Variants in SGCD observed in about 807,000 individuals in gnomAD.
SGCD encodes sarcoglycan delta, also known as delta-sarcoglycan.
A neutral mutation model predicts 36.6 loss-of-function variants in SGCD; 18 were observed. The ratio of observed to expected loss-of-function variants is 0.49; its 90% CI spans 0.34 to 0.73. The LOEUF (loss-of-function observed/expected upper bound fraction) is 0.73, where lower values mean the gene tolerates loss of function less well. Among genes scored for constraint, SGCD ranks in the 30% least tolerant of loss-of-function variants. SGCD has a pLI of 0.01. For missense variants in SGCD, 387 were observed against 346.7 expected, an observed-to-expected ratio of 1.12 and a Z score of -0.92; for synonymous variants, 133 against 130.6, an observed-to-expected ratio of 1.02 and a Z score of -0.12.
chr5:156,317,905 G>A (rs1325175390), intron 3 of SGCD, among the ~76,000 whole-genome samples: 1 of 152,148 alleles, frequency 6.6e-6, no homozygotes, highest in Non-Finnish European at 1.5e-5. Flanking sequence ...CAAATGGCAT[G>A]GGTAGAGAAT....
In SGCD at chr5:156,351,401, A is replaced by G. The variant is rs148410350; in HGVS notation, c.192+6724A>G. Among the ~76,000 whole-genome samples the G allele has an allele frequency of 2.4e-3, 372 of 152,200 alleles. 2 individuals are homozygous for G. Among genetic ancestry groups the G allele is most frequent in the African/African-American group, 8.5e-3 (355 of 41,542 alleles). On this transcript the variant is annotated intron_variant, in intron 3 of 8. Transcript: ENST00000337851. ...TTCAGGGCTCAAACTCTGGAGACAGATGTTCTAAGTAAAAATCTGGATTCT... is the reference window on the plus strand; with the variant it reads ...TTCAGGGCTCAAACTCTGGAGACAGGTGTTCTAAGTAAAAATCTGGATTCT...
At chr5:156,537,492 C>CACACACAT (rs1323877955) in intron 4 of SGCD, among the ~76,000 whole-genome samples, 3 of 151,034 alleles carry the variant, frequency 2.0e-5, no homozygotes, top group Non-Finnish European at 4.4e-5. Flanking sequence ...CACACACACA[C>CACACACAT]ACACACACAC....
chr5:156,751,630 G>T (rs1757152029), intron 7 of SGCD, among the ~76,000 whole-genome samples: 1 of 152,030 alleles, frequency 6.6e-6, no homozygotes, highest in Non-Finnish European at 1.5e-5. Flanking sequence ...GACAAAAATA[G>T]AAATAAACAA....
At chr5:156,609,026 A>G (rs1761638544) in intron 6 of SGCD, among the ~76,000 whole-genome samples, 1 of 151,806 alleles carries the variant, frequency 6.6e-6, no homozygotes, top group Admixed American at 6.6e-5. Flanking sequence ...TTTTAATTGG[A>G]GCATTTAGCC....
At chr5:155,955,405 G>A (rs987917778) in intron 1 of SGCD, among the ~76,000 whole-genome samples, 1 of 152,024 alleles carries the variant, frequency 6.6e-6, no homozygotes, top group African/African-American at 2.4e-5. Context: ...CTGGAACTAG[G>A]GTTGGCTTAT....
At chr5:156,643,991 A>G (rs1763137827) in intron 6 of SGCD, among the ~76,000 whole-genome samples, 1 of 152,186 alleles carries the variant, frequency 6.6e-6, no homozygotes, top group African/African-American at 2.4e-5. Flanking sequence ...ATACAAAAGC[A>G]CTAATCATAA....
chr5:155,850,462 T>G, the SGCD span, among the ~76,000 whole-genome samples: 12 of 152,012 alleles, frequency 7.9e-5, no homozygotes, highest in Non-Finnish European at 1.6e-4. Context: ...TGGAAGTCTG[T>G]CAAAATGAGA....
At chr5:155,836,473 C>A in the SGCD span, among the ~76,000 whole-genome samples, 11 of 114,438 alleles carry the variant, frequency 9.6e-5, no homozygotes, top group South Asian at 3.0e-4. Context: ...GATACCCACC[C>A]CCGCCCCGCA....
chr5:156,164,078 C>T (rs1202993189), intron 3 of SGCD, among the ~76,000 whole-genome samples: 1 of 150,806 alleles, frequency 6.6e-6, no homozygotes, highest in African/African-American at 2.5e-5. Flanking sequence ...TGAACTTTGC[C>T]TGCCTTGGAG....
chr5:156,356,246 C>G (rs1769485485), intron 3 of SGCD, among the ~76,000 whole-genome samples: 1 of 152,098 alleles, frequency 6.6e-6, no homozygotes, highest in Non-Finnish European at 1.5e-5. Flanking sequence ...TGTCTCTTTT[C>G]CCTGATGTCT....
At chr5:156,535,418 G>T (rs1247604832) in intron 4 of SGCD, among the ~76,000 whole-genome samples, 5 of 152,176 alleles carry the variant, frequency 3.3e-5, no homozygotes, top group African/African-American at 1.2e-4. Context: ...AACGTTTAAT[G>T]AAATTCTTTT....
intron 3 of SGCD, among the ~76,000 whole-genome samples, chr5:156,309,785 C>T (rs1057374981): frequency 1.3e-5 from 2 of 151,854 alleles, no homozygotes; most frequent in African/African-American, 2.4e-5. Context: ...CACGCCCCAC[C>T]CGATCTTTGA....
chr5:155,946,425 T>C (rs1380929294), intron 1 of SGCD, among the ~76,000 whole-genome samples: 1 of 152,166 alleles, frequency 6.6e-6, no homozygotes, highest in Non-Finnish European at 1.5e-5. Flanking sequence ...CTGTTTGTAC[T>C]ATATTTTTCT....
Position 156,412,398 on chromosome 5 carries a change from T to G in SGCD, c.192+67721T>G, listed in dbSNP as rs909746845. On this transcript the variant is annotated intron_variant, in intron 3 of 8. Coordinates refer to ENST00000337851, the MANE Select transcript of SGCD (RefSeq NM_000337.6). Reference sequence around the variant, plus strand: ...CTTTTTTCTACCTATGTTTATAAATTGGAAAATAACATAGTAATAGAAATA... The same window carrying G: ...CTTTTTTCTACCTATGTTTATAAATGGGAAAATAACATAGTAATAGAAATA... 6.6e-5 allele frequency among the ~76,000 whole-genome samples: 10 copies of G among 152,222 alleles called. 1 individual carries two copies.
intron 3 of SGCD, among the ~76,000 whole-genome samples, chr5:156,428,740 A>G (rs1773784732): frequency 6.6e-6 from 1 of 152,000 alleles, no homozygotes; most frequent in African/African-American, 2.4e-5. Flanking sequence ...TTGTGTCACT[A>G]TTATTCATTT....
At position 155,958,769 on chromosome 5, in the gene SGCD, C is replaced by A. The variant is rs932123091; in HGVS notation, c.-282+88345C>A. On this transcript the variant is annotated intron_variant, in intron 1 of 9. Transcript: ENST00000517913. ...GAGATGGGGATAACAATAATGCCTACCTCAAAGGGTTGCTGTGAGGATAAA... is the reference window on the plus strand; with the variant it reads ...GAGATGGGGATAACAATAATGCCTAACTCAAAGGGTTGCTGTGAGGATAAA... Among the ~76,000 whole-genome samples, 4 of 152,204 alleles carry A rather than the reference C, an allele frequency of 2.6e-5. No individual in the cohort carries two copies. In the East Asian group the frequency reaches 7.8e-4, roughly 30 times the overall value.
intron 1 of SGCD, among the ~76,000 whole-genome samples, chr5:156,065,424 T>A (rs2127585280): frequency 8.0e-6 from 1 of 124,828 alleles, no homozygotes; most frequent in South Asian, 2.4e-4. Flanking sequence ...TGATTTGGGG[T>A]GGAGAGTTCT....
chr5:156,116,544 C>T (rs541793601), intron 1 of SGCD, among the ~76,000 whole-genome samples: 11 of 152,120 alleles, frequency 7.2e-5, no homozygotes, highest in East Asian at 1.9e-4. Context: ...AAGCAATGTA[C>T]GGAGATAAAG....
chr5:156,391,336 T>C (rs1457731739), intron 3 of SGCD, among the ~76,000 whole-genome samples: 2 of 152,248 alleles, frequency 1.3e-5, no homozygotes, highest in African/African-American at 4.8e-5. Flanking sequence ...AGCACAACGA[T>C]GAAATTGCCT....
Sources: gnomAD v4.1 joint callset for allele counts (sites outside exome capture counted in the v4.1 genomes callset) on GRCh38, gnomAD v4.1.1 for gene constraint, MANE v1.5 for transcripts, NCBI Gene and HGNC (gene_info 2026-07-23, HGNC 2026-07-21) for gene names.